Variants in PLAGL1 observed in about 807,000 individuals in gnomAD.
PLAGL1 encodes the protein zinc finger protein PLAGL1.
Under a neutral mutation model 4.6 loss-of-function variants are expected in PLAGL1, and 1 was observed. That is an observed-to-expected ratio of 0.22 (90% CI 0.08 to 1.03). The LOEUF is 1.03. PLAGL1 is among the 50% of genes least tolerant of loss of function. PLAGL1 has a pLI of 0.58. For missense variants in PLAGL1, 464 were observed against 570.4 expected (o/e 0.81, Z 1.90); for synonymous variants, 240 against 237.8 (o/e 1.01, Z -0.08).
In PLAGL1 at chr6:143,947,781, C is replaced by T. The variant is rs1426736656; in HGVS notation, c.152+204G>A. On this transcript the variant is annotated intron_variant, in intron 7 of 7. Coordinates refer to ENST00000674357, the MANE Select transcript of PLAGL1 (RefSeq NM_001317162.2). This position sits in a 1 kb window ranked among gnomAD's most constrained non-coding sequence, Gnocchi z 4.3. ...TATATTGTAGGTGCATAAAAAATCT[C>T]TGTTGAAAGAATGAACTGACACTGC... 6.6e-6 allele frequency among the ~76,000 whole-genome samples: 1 copy of T among 152,146 alleles called. No homozygotes were observed. The highest frequency in any genetic ancestry group is 2.4e-5 in the African/African-American group (1 of 41,440).
rs1206229710 is a variant in PLAGL1 at position 144,039,134 on chromosome 6, A to G, written c.-151+25334T>C. 2.0e-5 allele frequency among the ~76,000 whole-genome samples: 3 copies of G among 152,216 alleles called. No homozygotes were observed. The highest frequency in any genetic ancestry group is 4.4e-5 in the Non-Finnish European group (3 of 68,028). ...GAGATAGGTTTGCTATTCCAGAATT[A>G]TAAAAAGTGATTACAAATAAATAAG... On this transcript the variant is annotated intron_variant, in intron 1 of 3. Coordinates refer to the PLAGL1 transcript ENST00000437412. The surrounding 1 kb of genome is among the most constrained non-coding windows in gnomAD (Gnocchi z 4.1).
intron 1 of PLAGL1, among the ~76,000 whole-genome samples, chr6:143,999,734 A>G (rs1401171994): frequency 6.6e-6 from 1 of 152,208 alleles, no homozygotes. Context: ...TTAAATCCAA[A>G]TCATGTGAAT....
intron 1 of PLAGL1, among the ~76,000 whole-genome samples, chr6:144,017,905 C>T (rs944951109): frequency 7.9e-5 from 12 of 152,156 alleles, no homozygotes; most frequent in African/African-American, 2.2e-4. Context: ...GTCTCCTTCA[C>T]TGGATTCCCT....
In PLAGL1 at chr6:144,050,390, G is replaced by C. The variant is rs938361207; in HGVS notation, c.-151+14078C>G. ...TGATACCAGCAACCAGGGCTTGCTC[G>C]GCTTTCCTGCCCAAATCCCTTCTCA... is the stretch of plus-strand genomic sequence containing the variant. On this transcript the variant is annotated intron_variant, in intron 1 of 3. Transcript: ENST00000437412. This position sits in a 1 kb window ranked among gnomAD's most constrained non-coding sequence, Gnocchi z 4.3. 6.6e-6 allele frequency among the ~76,000 whole-genome samples: 1 copy of C among 152,114 alleles called. No homozygotes were observed. The highest frequency in any genetic ancestry group is 2.4e-5 in the African/African-American group (1 of 41,412).
intron 1 of PLAGL1, among the ~76,000 whole-genome samples, chr6:143,993,492 T>A (rs1198542642): frequency 6.6e-6 from 1 of 152,044 alleles, no homozygotes; most frequent in African/African-American, 2.4e-5. Context: ...CGGCAGACAT[T>A]TCAGATTTTG....
rs1562555359 is a variant in PLAGL1, at chr6:144,005,751, G to T, written c.-584+2339C>A. 2.0e-5 allele frequency: 3 copies of T among 151,788 alleles called. No homozygotes were observed. The highest frequency in any genetic ancestry group is 7.3e-5 in the African/African-American group (3 of 41,376). The allele number at this position is 151,788 out of a possible 1,614,324, so 9.4% of individuals were successfully genotyped here. A position where few individuals can be genotyped will look rare whatever the true frequency, so the allele number is the denominator to read the frequency against. On this transcript the variant is annotated intron_variant, in intron 1 of 7. Coordinates refer to ENST00000674357, the MANE Select transcript of PLAGL1 (RefSeq NM_001317162.2). The surrounding 1 kb of genome is among the most constrained non-coding windows in gnomAD (Gnocchi z 4.6). ...ATTTCTGCAATGATGGAAATATTCT[G>T]TTCTATAATGTATAATGTAAAATAT...
At position 143,961,935 on chromosome 6, in the gene PLAGL1, T is replaced by C. The variant is rs1441777083; in HGVS notation, c.-398-1393A>G. On this transcript the variant is annotated intron_variant, in intron 5 of 7. Coordinates refer to ENST00000674357, the MANE Select transcript of PLAGL1 (RefSeq NM_001317162.2). The surrounding 1 kb of genome is among the most constrained non-coding windows in gnomAD (Gnocchi z 6.5). ...CAGGCAGTGAAGTAGCTTAGCTTCA[T>C]TGTCAAAATATTCAAATTATCACAA... 6.6e-6 allele frequency among the ~76,000 whole-genome samples: 1 copy of C among 152,192 alleles called. No homozygotes were observed. The highest frequency in any genetic ancestry group is 2.4e-5 in the African/African-American group (1 of 41,436).
intron 7 of PLAGL1, among the ~76,000 whole-genome samples, chr6:143,946,480 A>G (rs1036096985): frequency 6.6e-6 from 1 of 152,230 alleles, no homozygotes; most frequent in South Asian, 2.1e-4. Context: ...TCAGCATTCA[A>G]TACTTCTACT....
rs192458121 is a variant in PLAGL1 at position 144,036,536 on chromosome 6, G to A, written c.-151+27932C>T. On this transcript the variant is annotated intron_variant, in intron 1 of 3. Transcript: ENST00000437412. The surrounding 1 kb of genome is among the most constrained non-coding windows in gnomAD (Gnocchi z 5.1). ...ACAGGACAATTACTGCCGCGTGACA[G>A]GACTCCAGTCCTGGGGCTGCTACCG... 14 of 171,956 alleles carry A rather than the reference G, an allele frequency of 8.1e-5. No individual in the cohort carries two copies. In the East Asian group the frequency reaches 2.6e-3, roughly 32 times the overall value. The allele number at this position is 171,956 out of a possible 1,614,324, so 10.7% of individuals were successfully genotyped here.
Position 143,963,194 on chromosome 6 carries a change from CCCT to C in PLAGL1, c.-399+1590_-399+1592del, listed in dbSNP as rs1562441181. ...ACCTTCTCACATTAATACATGATCT[CCCT>C]GGGGGACCCCATGCACAACCCAAGG... On this transcript the variant is annotated intron_variant, in intron 5 of 7. Transcript: ENST00000674357. The surrounding 1 kb of genome is among the most constrained non-coding windows in gnomAD (Gnocchi z 6.1). 6.6e-6 allele frequency among the ~76,000 whole-genome samples: 1 copy of C among 152,188 alleles called. No homozygotes were observed.
intron 1 of PLAGL1, among the ~76,000 whole-genome samples, chr6:144,031,504 T>C (rs980646295): frequency 6.6e-6 from 1 of 152,248 alleles, no homozygotes; most frequent in Non-Finnish European, 1.5e-5. Flanking sequence ...AAGTCTTTGA[T>C]CCATCTTGAG....
At chr6:144,011,086 A>G (rs1795146070), upstream of PLAGL1, among the ~76,000 whole-genome samples, 1 of 152,234 alleles carries the variant, frequency 6.6e-6, no homozygotes, top group Non-Finnish European at 1.5e-5. This position sits in a 1 kb window ranked among gnomAD's most constrained non-coding sequence, Gnocchi z 4.3. Context: ...AATGGCAACA[A>G]AAGCCAAAAT....
rs1017906628 is a variant in PLAGL1 at position 144,036,315 on chromosome 6, C to T, written c.-151+28153G>A. Among the ~76,000 whole-genome samples the T allele has an allele frequency of 6.6e-6, 1 of 152,216 alleles. No individual in the cohort carries two copies. Among genetic ancestry groups the T allele is most frequent in the African/African-American group, 2.4e-5 (1 of 41,446 alleles). On this transcript the variant is annotated intron_variant, in intron 1 of 3. Coordinates refer to the PLAGL1 transcript ENST00000437412. This position sits in a 1 kb window ranked among gnomAD's most constrained non-coding sequence, Gnocchi z 5.1. The stretch of plus-strand genomic sequence containing the variant: ...TATAACACAATCCTGAGGAAATCAG[C>T]TGTGAAATACACAGACTTTGTGCAG...
At chr6:144,010,333 T>C (rs1189247301), upstream of PLAGL1, among the ~76,000 whole-genome samples, 1 of 152,140 alleles carries the variant, frequency 6.6e-6, no homozygotes, top group Non-Finnish European at 1.5e-5. This position sits in a 1 kb window ranked among gnomAD's most constrained non-coding sequence, Gnocchi z 4.1. Flanking sequence ...AGCCAACACA[T>C]GAGTGAACTC....
At chr6:143,996,302 G>A (rs1219030282) in intron 1 of PLAGL1, among the ~76,000 whole-genome samples, 1 of 152,184 alleles carries the variant, frequency 6.6e-6, no homozygotes, top group Non-Finnish European at 1.5e-5. Flanking sequence ...ACAAGCAAAA[G>A]TTGACCAAGA....
intron 1 of PLAGL1, among the ~76,000 whole-genome samples, chr6:144,043,105 T>A (rs1173822746): frequency 6.6e-6 from 1 of 152,196 alleles, no homozygotes; most frequent in South Asian, 2.1e-4. Flanking sequence ...AAATATACAA[T>A]CATATCATCT....
In PLAGL1 at chr6:143,941,268, T is replaced by C; in HGVS notation, c.*156A>G. On this transcript the variant is annotated 3_prime_UTR_variant, in exon 8 of 8. Coordinates refer to ENST00000674357, the MANE Select transcript of PLAGL1 (RefSeq NM_001317162.2). This position sits in a 1 kb window ranked among gnomAD's most constrained non-coding sequence, Gnocchi z 6.0. ...ACTCAGGACAGATTGGCACAATACA[T>C]GCAGTTCGAGAATTCTCTTATCATC... is the stretch of plus-strand genomic sequence containing the variant. 1.8e-6 allele frequency: 1 copy of C among 561,008 alleles called. No homozygotes were observed. Among genetic ancestry groups the C allele is most frequent in the Non-Finnish European group, 3.0e-6 (1 of 330,368 alleles). 34.8% of individuals were successfully genotyped at this position (561,008 alleles called of 1,614,324 possible). A position where few individuals can be genotyped will look rare whatever the true frequency, so the allele number is the denominator to read the frequency against.
In PLAGL1 at chr6:143,942,810, T is replaced by TAA. The variant is rs1778925295; in HGVS notation, c.153-149_153-148dup. ...TTCTTTCATATATTTTCCAAATATATAAACTTTTATAATTAAGAAAAGCAA... is the reference window on the plus strand; with the variant it reads ...TTCTTTCATATATTTTCCAAATATATAAAAACTTTTATAATTAAGAAAAGCAA... On this transcript the variant is annotated intron_variant, in intron 7 of 7. Transcript: ENST00000674357. This position sits in a 1 kb window ranked among gnomAD's most constrained non-coding sequence, Gnocchi z 7.6. 1.7e-6 allele frequency: 1 copy of TAA among 600,834 alleles called. No homozygotes were observed. The highest frequency in any genetic ancestry group is 1.9e-5 in the African/African-American group (1 of 53,210). The allele number at this position is 600,834 out of a possible 1,614,324, so 37.2% of individuals were successfully genotyped here.
At position 143,950,341 on chromosome 6, in the gene PLAGL1, C is replaced by T. The variant is rs1358398274; in HGVS notation, c.-324-1881G>A. Among the ~76,000 whole-genome samples the T allele has an allele frequency of 6.6e-6, 1 of 152,198 alleles. No homozygotes were observed. The highest frequency in any genetic ancestry group is 6.5e-5 in the Admixed American group (1 of 15,282). On this transcript the variant is annotated intron_variant, in intron 6 of 7. Transcript: ENST00000674357. This position sits in a 1 kb window ranked among gnomAD's most constrained non-coding sequence, Gnocchi z 6.3. The stretch of plus-strand genomic sequence containing the variant: ...CTGGTTCCCTTCCAGTATTCTAGTT[C>T]ATGCCTGAGGCCCTATCTTGAGGAA...
Sources: allele counts gnomAD v4.1 joint callset (sites outside exome capture counted in the v4.1 genomes callset), GRCh38; gene constraint gnomAD v4.1.1; non-coding constraint Gnocchi (gnomAD v3.1); transcripts MANE v1.5; gene names NCBI Gene and HGNC (gene_info 2026-07-23, HGNC 2026-07-21).